ADGRG3: variants seen among roughly 807,000 people sequenced by gnomAD.
ADGRG3 encodes adhesion G protein-coupled receptor G3, also known as G protein-coupled receptor 97.
Under a neutral mutation model 54.3 loss-of-function variants are expected in ADGRG3, and 39 were observed. That is an observed-to-expected ratio of 0.72 (90% CI 0.56 to 0.94). ADGRG3 has a LOEUF of 0.94. Ranked by LOEUF, ADGRG3 falls within the 40% of genes least tolerant of loss-of-function variation. The pLI is 0.00. For missense variants in ADGRG3, 654 were observed against 694.6 expected, an observed-to-expected ratio of 0.94 and a Z score of 0.66; for synonymous variants, 312 against 290.0, an observed-to-expected ratio of 1.08 and a Z score of -0.77.
chr16:57,667,585 C>T (rs1159620851), upstream of ADGRG3, among the ~76,000 whole-genome samples: 5 of 152,242 alleles, frequency 3.3e-5, no homozygotes, highest in African/African-American at 1.2e-4. Flanking sequence ...TCGGGAGGCT[C>T]AGGGTGACAG....
Position 57,682,504 on chromosome 16 carries a change from C to A in ADGRG3, c.882-1428C>A. On this transcript the variant is annotated intron_variant, in intron 8 of 11. Transcript: ENST00000333493. ...TCCAAGCCCTGGCCTAGGACATGGT[C>A]CCCATCCCCAACAAGCCGAGTGTGA... 1.2e-5 allele frequency: 12 copies of A among 985,356 alleles called. No individual in the cohort carries two copies. In the South Asian group the frequency reaches 5.6e-4, roughly 46 times the overall value. The allele number at this position is 985,356 out of a possible 1,614,324, so 61.0% of individuals were successfully genotyped here.
chr16:57,678,813 G>A (rs2048311016), intron 4 of ADGRG3: 5 of 337,910 alleles, frequency 1.5e-5, no homozygotes, highest in South Asian at 6.9e-5. Flanking sequence ...CCTTTCTACC[G>A]AATGCACACT....
chr16:57,684,533 A>G lies in ADGRG3; in HGVS notation c.1256+50A>G, dbSNP rs555730956. The G allele has an allele frequency of 7.1e-5, 96 of 1,360,214 alleles. 2 individuals carry two copies. In the South Asian group the frequency reaches 1.1e-3, roughly 15 times the overall value. The allele number at this position is 1,360,214 out of a possible 1,614,324, so 84.3% of individuals were successfully genotyped here. ...GGTGATGCCAGCTCCCCGGCTACAC[A>G]TATTGGGGCTGGAGAGAGGTGGGGA... On this transcript the variant is annotated intron_variant, in intron 10 of 11. Coordinates refer to ENST00000333493, the MANE Select transcript of ADGRG3 (RefSeq NM_170776.5).
intron 2 of ADGRG3, among the ~76,000 whole-genome samples, chr16:57,674,386 C>T (rs1291773857): frequency 6.6e-6 from 1 of 152,176 alleles, no homozygotes; most frequent in Non-Finnish European, 1.5e-5. Context: ...CTCTGCCTCT[C>T]TTTCCTTTTC....
At chr16:57,681,742 A>G (rs2048374880) in intron 8 of ADGRG3, among the ~76,000 whole-genome samples, 1 of 149,228 alleles carries the variant, frequency 6.7e-6, no homozygotes, top group South Asian at 2.1e-4. Context: ...AAAAAAAAAA[A>G]AAAAGAGAGA....
At chr16:57,677,188 A>G (rs1224130793) in intron 3 of ADGRG3, among the ~76,000 whole-genome samples, 1 of 152,228 alleles carries the variant, frequency 6.6e-6, no homozygotes, top group African/African-American at 2.4e-5. Flanking sequence ...AGCTCCAGCC[A>G]TAAACCCCCT....
In ADGRG3 at chr16:57,679,180, C is replaced by A. The variant is rs755990279; in HGVS notation, c.496C>A (p.Pro166Thr). The A allele has an allele frequency of 1.2e-6, 2 of 1,613,666 alleles. No individual in the cohort carries two copies. The highest frequency in any genetic ancestry group is 1.7e-6 in the Non-Finnish European group (2 of 1,179,906). ...DIGPGTLFKG[P>T]RLGLGDGSGV... ...TCCCCGATCTCCCCTTTCACAGGGC[C>A]CCCGGCTCGGCCTGGGAGATGGCAG... The change falls in exon 5 of 12, where the codon CCC (proline) becomes ACC (threonine). Residue 166 changes from proline (P) to threonine (T), a missense_variant. By Grantham distance (38) the Pro-to-Thr change is conservative (BLOSUM62 -1). Transcript: ENST00000333493.
intron 7 of ADGRG3, 67 bp downstream of exon 7, chr16:57,680,432 G>A (rs2048346871): frequency 1.9e-6 from 3 of 1,561,618 alleles, no homozygotes; most frequent in Middle Eastern, 1.7e-4. Flanking sequence ...TGGGGAGGGG[G>A]CTGCCTGGTG....
In ADGRG3 at chr16:57,678,154, G is replaced by A. The variant is rs752709034; in HGVS notation, c.346-16G>A. 2 of 1,613,558 alleles carry A rather than the reference G, an allele frequency of 1.2e-6. No homozygotes were observed. The highest frequency in any genetic ancestry group is 2.2e-5 in the South Asian group (2 of 91,032). Reference sequence around the variant, plus strand: ...GGGGTGGGTACAGATGGGAGCTGCTGTGTCTGTGGTTGTAGGTTCCGAGGC... The same window carrying A: ...GGGGTGGGTACAGATGGGAGCTGCTATGTCTGTGGTTGTAGGTTCCGAGGC... On this transcript the variant is annotated splice_polypyrimidine_tract_variant and intron_variant, in intron 3 of 11. Transcript: ENST00000333493.
rs141867489 is a variant in ADGRG3, at chr16:57,679,197, A to G, written c.513A>G (p.Gly171=). Residue 171 remains glycine, a synonymous_variant, in exon 5 of 12, where the codon GGA becomes GGG. Coordinates refer to ENST00000333493, the MANE Select transcript of ADGRG3 (RefSeq NM_170776.5). The part of the protein sequence containing the change: ...TLFKGPRLGL[G]DGSGVLNNRL... Reference sequence around the variant, plus strand: ...CACAGGGCCCCCGGCTCGGCCTGGGAGATGGCAGCGGCGTGTTGAACAATC... The same window carrying G: ...CACAGGGCCCCCGGCTCGGCCTGGGGGATGGCAGCGGCGTGTTGAACAATC... 231 of 1,613,824 alleles carry G rather than the reference A, an allele frequency of 1.4e-4. No individual in the cohort carries two copies. In the African/African-American group the frequency reaches 2.8e-3, roughly 19 times the overall value.
chr16:57,671,434 G>A (rs542536226), intron 1 of ADGRG3, among the ~76,000 whole-genome samples: 43 of 144,696 alleles, frequency 3.0e-4, no homozygotes, highest in African/African-American at 9.6e-4. Flanking sequence ...TCCGCCTCCC[G>A]GGTTGAAGCA....
chr16:57,682,416 T>G (rs2048390570), intron 8 of ADGRG3: 4 of 903,418 alleles, frequency 4.4e-6, no homozygotes, highest in African/African-American at 1.8e-5. Flanking sequence ...CAGCCCCAAC[T>G]AGGCCCACCC....
upstream of ADGRG3, among the ~76,000 whole-genome samples, chr16:57,667,745 C>G (rs1344478386): frequency 1.3e-5 from 2 of 152,216 alleles, no homozygotes; most frequent in Non-Finnish European, 2.9e-5. Flanking sequence ...GCTCAGGCTG[C>G]AGGGCCAGCT....
At chr16:57,679,888 C>A in intron 6 of ADGRG3, 33 bp downstream of exon 6, 2 of 1,558,502 alleles carry the variant, frequency 1.3e-6, no homozygotes, top group Non-Finnish European at 1.8e-6. Context: ...TGGGGTAAGA[C>A]AGGAAGGGAG....
intron 1 of ADGRG3, among the ~76,000 whole-genome samples, chr16:57,668,772 G>T (rs2048098296): frequency 6.6e-6 from 1 of 152,166 alleles, no homozygotes; most frequent in South Asian, 2.1e-4. Context: ...GCTGGCTTGT[G>T]AGATCCTGGG....
At chr16:57,679,736 A>G (rs2048329288) in intron 5 of ADGRG3, 80 bp from the exon 6 acceptor site, 1 of 1,088,672 alleles carries the variant, frequency 9.2e-7, no homozygotes, top group Non-Finnish European at 1.4e-6. Context: ...GACTCGGGGG[A>G]GCACACCGTC....
chr16:57,685,509 C>T (rs1371656962), intron 10 of ADGRG3, 134 bp from the exon 11 acceptor site: 7 of 820,544 alleles, frequency 8.5e-6, no homozygotes, highest in South Asian at 1.6e-5. Flanking sequence ...CCTCCCACAG[C>T]GGGAGAGCCA....
chr16:57,668,460 C>A, intron 1 of ADGRG3, 55 bp downstream of exon 1: 1 of 1,457,862 alleles, frequency 6.9e-7, no homozygotes, highest in Non-Finnish European at 9.3e-7. Context: ...CCTGCCCTGC[C>A]GAGGGAGGGA....
At chr16:57,688,075 G>A (rs2048508319) in intron 11 of ADGRG3, among the ~76,000 whole-genome samples, 1 of 152,132 alleles carries the variant, frequency 6.6e-6, no homozygotes, top group African/African-American at 2.4e-5. Context: ...TGGTTGTTTT[G>A]TATGTCTGAA....
Sources: allele counts gnomAD v4.1 joint callset (sites outside exome capture counted in the v4.1 genomes callset), GRCh38; gene constraint gnomAD v4.1.1; transcripts MANE v1.5; gene names NCBI Gene and HGNC (gene_info 2026-07-23, HGNC 2026-07-21).